NSMCE2: variants seen among roughly 807,000 people sequenced by gnomAD.
The protein encoded by NSMCE2 is E3 SUMO-protein ligase NSE2.
NSMCE2 carries 24 observed loss-of-function variants against 23.8 expected under a neutral mutation model. The ratio of observed to expected loss-of-function variants is 1.01; its 90% CI spans 0.73 to 1.42. NSMCE2 has a LOEUF of 1.42. Among genes scored for constraint, NSMCE2 ranks in the 40% most tolerant of loss-of-function variants. The pLI is 0.00. For missense variants in NSMCE2, 284 were observed against 296.5 expected, an observed-to-expected ratio of 0.96 and a Z score of 0.31; for synonymous variants, 92 against 94.1, an observed-to-expected ratio of 0.98 and a Z score of 0.13.
Position 125,229,277 on chromosome 8 carries a change from G to A in NSMCE2, c.418+47021G>A, listed in dbSNP as rs184172770. 5.9e-5 allele frequency among the ~76,000 whole-genome samples: 9 copies of A among 152,272 alleles called. No homozygotes were observed. In the South Asian group the frequency reaches 8.3e-4, roughly 14 times the overall value. On this transcript the variant is annotated intron_variant, in intron 5 of 7. Transcript: ENST00000287437. ...AAATAATCTAAGCACTTAGTAGATCGATGAACTGAAAGCAGTGAAGGCAAC... is the reference window on the plus strand; with the variant it reads ...AAATAATCTAAGCACTTAGTAGATCAATGAACTGAAAGCAGTGAAGGCAAC...
chr8:125,153,546 G>A (rs890621380), intron 4 of NSMCE2, among the ~76,000 whole-genome samples: 36 of 152,182 alleles, frequency 2.4e-4, no homozygotes, highest in African/African-American at 8.4e-4. Context: ...TGAGCGATAA[G>A]AATGAACAGC....
intron 4 of NSMCE2, among the ~76,000 whole-genome samples, chr8:125,180,677 A>C (rs1200183486): frequency 6.6e-6 from 1 of 152,240 alleles, no homozygotes. Flanking sequence ...GTAGAAGATA[A>C]GTCATTTGAC....
chr8:125,255,289 T>A (rs143334241), intron 5 of NSMCE2, among the ~76,000 whole-genome samples: 106 of 152,256 alleles, frequency 7.0e-4, no homozygotes, highest in Non-Finnish European at 7.5e-4. Context: ...AAATGACTGT[T>A]GAGTTAAGCC....
rs62520985 is a variant in NSMCE2, at chr8:125,287,957, C to T, written c.419-69262C>T. ...TGTGCGGGATCCTTCTCAACTAACT[C>T]CTGTATCTACACCTAAATATAACTT... On this transcript the variant is annotated intron_variant, in intron 5 of 7. Coordinates refer to ENST00000287437, the MANE Select transcript of NSMCE2 (RefSeq NM_173685.4). Among the ~76,000 whole-genome samples, 454 of 152,250 alleles carry T rather than the reference C, an allele frequency of 3.0e-3. 1 individual carries two copies. The highest frequency in any genetic ancestry group is 4.9e-3 in the Non-Finnish European group (335 of 68,010).
At chr8:125,194,146 G>A (rs1823489125) in intron 5 of NSMCE2, among the ~76,000 whole-genome samples, 1 of 152,142 alleles carries the variant, frequency 6.6e-6, no homozygotes. Context: ...TAGGTAGATA[G>A]TATTAATCCC....
intron 5 of NSMCE2, among the ~76,000 whole-genome samples, chr8:125,198,931 C>T (rs563865802): frequency 1.3e-5 from 2 of 151,954 alleles, no homozygotes; most frequent in South Asian, 4.2e-4. Flanking sequence ...CATATGTGTC[C>T]AGGAATTTAT....
At chr8:125,172,477 T>G (rs1183587557) in intron 4 of NSMCE2, among the ~76,000 whole-genome samples, 1 of 152,190 alleles carries the variant, frequency 6.6e-6, no homozygotes, top group Non-Finnish European at 1.5e-5. Flanking sequence ...TGTTTCCTCC[T>G]AAGGTGTTGC....
intron 3 of NSMCE2, among the ~76,000 whole-genome samples, chr8:125,137,303 C>T (rs1820120150): frequency 6.6e-6 from 1 of 152,092 alleles, no homozygotes; most frequent in Admixed American, 6.6e-5. Context: ...ATCTAATCAA[C>T]TTCTTGTCAG....
intron 5 of NSMCE2, among the ~76,000 whole-genome samples, chr8:125,242,623 A>T (rs1279084452): frequency 6.6e-6 from 1 of 152,178 alleles, no homozygotes; most frequent in Non-Finnish European, 1.5e-5. Context: ...CCCTCTGACC[A>T]GTGCTCACAA....
chr8:125,247,109 G>C (rs1287338308), intron 5 of NSMCE2, among the ~76,000 whole-genome samples: 1 of 151,604 alleles, frequency 6.6e-6, no homozygotes, highest in East Asian at 1.9e-4. Flanking sequence ...GGGCAGGATT[G>C]CTTGAGCCCA....
At chr8:125,184,430 G>A (rs1586579336) in intron 5 of NSMCE2, among the ~76,000 whole-genome samples, 1 of 152,140 alleles carries the variant, frequency 6.6e-6, no homozygotes, top group East Asian at 1.9e-4. Context: ...TGGATAGACA[G>A]TCAAACCTTA....
chr8:125,249,629 G>A (rs1826125231), intron 5 of NSMCE2, among the ~76,000 whole-genome samples: 1 of 152,158 alleles, frequency 6.6e-6, no homozygotes, highest in African/African-American at 2.4e-5. Flanking sequence ...GACTATAAAA[G>A]GAAAGCAGTG....
chr8:125,172,730 A>G (rs7002224), intron 4 of NSMCE2, among the ~76,000 whole-genome samples: 21,294 of 152,252 alleles, frequency 0.14, 2,447 homozygotes, highest in African/African-American at 0.32. Context: ...TCAGACCAAA[A>G]AATAAATATG....
intron 1 of NSMCE2, among the ~76,000 whole-genome samples, chr8:125,100,560 TTTTTTA>T (rs1308516475): frequency 6.6e-6 from 1 of 152,232 alleles, no homozygotes; most frequent in African/African-American, 2.4e-5. Flanking sequence ...AGGCTGAATT[TTTTTTA>T]TTTTTATTTT....
chr8:125,224,334 T>C (rs1450677102), intron 5 of NSMCE2, among the ~76,000 whole-genome samples: 1 of 152,216 alleles, frequency 6.6e-6, no homozygotes, highest in African/African-American at 2.4e-5. Flanking sequence ...GTCTATTTTT[T>C]TTATTGCCTG....
intron 5 of NSMCE2, among the ~76,000 whole-genome samples, chr8:125,213,300 G>T (rs1438192269): frequency 6.6e-6 from 1 of 152,170 alleles, no homozygotes; most frequent in Non-Finnish European, 1.5e-5. Flanking sequence ...CAGCGTACAG[G>T]AAACTAGTCA....
At chr8:125,261,619 A>G (rs1159905040) in intron 5 of NSMCE2, among the ~76,000 whole-genome samples, 1 of 152,170 alleles carries the variant, frequency 6.6e-6, no homozygotes, top group African/African-American at 2.4e-5. Flanking sequence ...TGCCTGAACC[A>G]TTACACATTT....
intron 3 of NSMCE2, chr8:125,130,148 T>G (rs1819693706): frequency 2.3e-6 from 1 of 436,792 alleles, no homozygotes; most frequent in African/African-American, 2.0e-5. Flanking sequence ...TGCTTAGGTG[T>G]TTTGTAGAAT....
intron 5 of NSMCE2, among the ~76,000 whole-genome samples, chr8:125,325,730 T>A (rs1015012602): frequency 7.2e-5 from 11 of 152,178 alleles, no homozygotes; most frequent in Non-Finnish European, 1.5e-4. Context: ...GGCAGGAGGA[T>A]CACCTGCGGT....
Sources: gnomAD v4.1 joint callset for allele counts (sites outside exome capture counted in the v4.1 genomes callset) on GRCh38, gnomAD v4.1.1 for gene constraint, MANE v1.5 for transcripts, NCBI Gene and HGNC (gene_info 2026-07-23, HGNC 2026-07-21) for gene names.